SMIM35: variants seen among roughly 807,000 people sequenced by gnomAD.
SMIM35 encodes the protein TMPRSS4 antisense RNA 1 (non-protein coding).
intron 1 of SMIM35, among the ~76,000 whole-genome samples, chr11:118,037,468 G>A (rs1489845732): frequency 1.3e-5 from 2 of 152,140 alleles, no homozygotes; most frequent in South Asian, 4.1e-4. Context: ...CCCAGGGTCC[G>A]GTGTTTTGAA....
intron 1 of SMIM35, among the ~76,000 whole-genome samples, chr11:118,021,053 T>TTTTTTTTTTTTTTTTG (rs202082772): frequency 6.7e-6 from 1 of 150,170 alleles, no homozygotes. Context: ...TAAGGTTTTT[T>TTTTTTTTTTTTTTTTG]TTTTTACTAT....
intron 1 of SMIM35, among the ~76,000 whole-genome samples, chr11:118,040,451 C>T (rs911212306): frequency 2.6e-5 from 4 of 152,054 alleles, no homozygotes; most frequent in Non-Finnish European, 5.9e-5. Context: ...GAGAGTGATG[C>T]GCAAAGAAAA....
chr11:118,043,852 G>A (rs552279721), intron 1 of SMIM35, among the ~76,000 whole-genome samples: 9 of 149,954 alleles, frequency 6.0e-5, no homozygotes, highest in Middle Eastern at 3.5e-3. Flanking sequence ...GGGGGCCAGG[G>A]GAAGTGGGGA....
chr11:118,028,037 C>T (rs1435579976), intron 1 of SMIM35, among the ~76,000 whole-genome samples: 7 of 152,232 alleles, frequency 4.6e-5, no homozygotes, highest in African/African-American at 1.7e-4. Flanking sequence ...CAAGACAATC[C>T]TTTACATCCC....
intron 1 of SMIM35, among the ~76,000 whole-genome samples, chr11:118,055,707 GCTT>G (rs1226829333): frequency 6.6e-6 from 1 of 152,084 alleles, no homozygotes; most frequent in Non-Finnish European, 1.5e-5. Context: ...CCCAATAGCT[GCTT>G]CTTCTAGGAA....
At chr11:118,084,580 G>A (rs542063252) in intron 1 of SMIM35, among the ~76,000 whole-genome samples, 7 of 152,320 alleles carry the variant, frequency 4.6e-5, no homozygotes, top group East Asian at 1.9e-4. Context: ...CAGAACAAAC[G>A]AGAATCCTCA....
chr11:118,030,846 T>A (rs1448394575), intron 1 of SMIM35, among the ~76,000 whole-genome samples: 1 of 151,882 alleles, frequency 6.6e-6, no homozygotes, highest in Non-Finnish European at 1.5e-5. Context: ...CATGGCAGTG[T>A]TAGGGGTTAT....
intron 1 of SMIM35, among the ~76,000 whole-genome samples, chr11:118,020,939 T>G (rs918583549): frequency 2.0e-5 from 3 of 152,198 alleles, no homozygotes; most frequent in African/African-American, 7.2e-5. Flanking sequence ...ATACGTAATA[T>G]TTTTACCTTT....
chr11:118,067,553 G>T (rs1285666696), intron 1 of SMIM35: 1 of 151,784 alleles, frequency 6.6e-6, no homozygotes, highest in Non-Finnish European at 1.5e-5. Context: ...AAAAAAATTG[G>T]CTGGGTGCAG....
chr11:118,024,362 T>C (rs911021721), intron 1 of SMIM35, among the ~76,000 whole-genome samples: 2 of 152,212 alleles, frequency 1.3e-5, no homozygotes, highest in Non-Finnish European at 2.9e-5. Flanking sequence ...AACTAAACCA[T>C]ATGTATAGGT....
At chr11:118,025,116 T>C (rs921703750) in intron 1 of SMIM35, among the ~76,000 whole-genome samples, 5 of 152,254 alleles carry the variant, frequency 3.3e-5, no homozygotes, top group African/African-American at 1.2e-4. Flanking sequence ...TTCTTATGGC[T>C]GTGTAGTATT....
chr11:118,020,480 T>C (rs1047295312), intron 1 of SMIM35, among the ~76,000 whole-genome samples: 1 of 152,244 alleles, frequency 6.6e-6, no homozygotes, highest in Non-Finnish European at 1.5e-5. Context: ...ATAAAACTTA[T>C]ATATTTGAGA....
chr11:118,048,573 G>A (rs867358832), intron 1 of SMIM35, among the ~76,000 whole-genome samples: 1 of 117,442 alleles, frequency 8.5e-6, no homozygotes, highest in African/African-American at 2.8e-5. Flanking sequence ...AAGGAAGGAA[G>A]GAAGGAAGGA....
chr11:118,044,944 G>C (rs619744), intron 1 of SMIM35, among the ~76,000 whole-genome samples: 108,347 of 151,950 alleles, frequency 0.71, 39,014 homozygotes, highest in Non-Finnish European at 0.76. Context: ...AAAAAATGAA[G>C]AAGCAAGCAG....
At chr11:118,068,830 C>T (rs560832739) in intron 1 of SMIM35, among the ~76,000 whole-genome samples, 19 of 152,296 alleles carry the variant, frequency 1.2e-4, no homozygotes, top group Admixed American at 9.8e-4. Flanking sequence ...AGAGGCCCAG[C>T]GGCATCCAGG....
chr11:118,078,037 A>G (rs1165407917), intron 1 of SMIM35, among the ~76,000 whole-genome samples: 13 of 94,078 alleles, frequency 1.4e-4, no homozygotes, highest in African/African-American at 3.6e-4. Flanking sequence ...AAAAAAAAAA[A>G]AAAAAAAGAA....
Position 118,005,930 on chromosome 11 carries a change from G to A in SMIM35, c.*480C>T, listed in dbSNP as rs532783192. ...GGCACTGCAGACGAGACTTTGTCAG[G>A]CCAGGAGGACGGGAGGCACCGACTG... is the stretch of plus-strand genomic sequence containing the variant. On this transcript the variant is annotated 3_prime_UTR_variant, in exon 5 of 5. Coordinates refer to ENST00000689828, the MANE Select transcript of SMIM35 (RefSeq NM_001394165.1). The A allele has an allele frequency of 2.0e-5, 3 of 152,490 alleles. No individual in the cohort carries two copies. The highest frequency in any genetic ancestry group is 2.9e-5 in the Non-Finnish European group (2 of 68,240). 9.4% of individuals were successfully genotyped at this position (152,490 alleles called of 1,614,324 possible).
chr11:118,085,266 C>T (rs1945459654), intron 1 of SMIM35, among the ~76,000 whole-genome samples: 1 of 148,908 alleles, frequency 6.7e-6, no homozygotes, highest in Non-Finnish European at 1.5e-5. Flanking sequence ...CACTGTTGCC[C>T]TGGCTGGAGT....
At chr11:118,079,846 C>T (rs1458951813) in intron 1 of SMIM35, among the ~76,000 whole-genome samples, 1 of 152,230 alleles carries the variant, frequency 6.6e-6, no homozygotes, top group African/African-American at 2.4e-5. Flanking sequence ...GAAGCCCACT[C>T]GGCCCTGGCA....
Sources: allele counts gnomAD v4.1 joint callset (sites outside exome capture counted in the v4.1 genomes callset), GRCh38; gene constraint gnomAD v4.1.1; transcripts MANE v1.5; gene names NCBI Gene and HGNC (gene_info 2026-07-23, HGNC 2026-07-21).